Variants in PPP1R18 observed in about 807,000 individuals in gnomAD.
PPP1R18 encodes the protein protein phosphatase 1 regulatory subunit 18.
In PPP1R18, 31 loss-of-function variants were observed where a neutral mutation model predicts 54.8. The ratio of observed to expected loss-of-function variants is 0.57; its 90% confidence interval spans 0.43 to 0.76. The LOEUF (loss-of-function observed/expected upper bound fraction) is 0.76. PPP1R18 is among the 30% of genes least tolerant of loss of function. The pLI, the probability that PPP1R18 is intolerant of heterozygous loss-of-function variation, is 0.00. For missense variants in PPP1R18, 685 were observed against 776.1 expected (o/e 0.88, Z 1.39); for synonymous variants, 310 against 320.2 (o/e 0.97, Z 0.34).
chr6:30,688,247 C>T (rs1043257164), upstream of PPP1R18: 5 of 209,608 alleles, frequency 2.4e-5, no homozygotes, highest in Admixed American at 1.6e-4. The surrounding 1 kb of genome is among the most constrained non-coding windows in gnomAD (Gnocchi z 5.9). Flanking sequence ...CAGCTATGAC[C>T]GTTGAACTTG....
At chr6:30,680,117 G>A (rs1013579894) in intron 1 of PPP1R18, among the ~76,000 whole-genome samples, 3 of 152,144 alleles carry the variant, frequency 2.0e-5, no homozygotes, top group African/African-American at 4.8e-5. Flanking sequence ...GATGACAAGG[G>A]CAGAAAGGAA....
chr6:30,677,738 T>C (rs1310683916), intron 2 of PPP1R18, among the ~76,000 whole-genome samples: 2 of 151,916 alleles, frequency 1.3e-5, no homozygotes, highest in African/African-American at 4.8e-5. Context: ...TCCCAGCTAC[T>C]AGAGAGGCTG....
chr6:30,680,631 C>G (rs1770491658), intron 1 of PPP1R18, among the ~76,000 whole-genome samples: 1 of 151,226 alleles, frequency 6.6e-6, no homozygotes, highest in Non-Finnish European at 1.5e-5. Flanking sequence ...GAGTTCGAGA[C>G]CAGCCTGGGC....
upstream of PPP1R18, chr6:30,688,227 C>A (rs1406541926): frequency 5.3e-6 from 1 of 189,020 alleles, no homozygotes; most frequent in East Asian, 1.5e-4. The surrounding 1 kb of genome is among the most constrained non-coding windows in gnomAD (Gnocchi z 5.9). Context: ...AAGGTTGGGG[C>A]CTGGAGGGAC....
chr6:30,685,196 C>G lies in PPP1R18; in HGVS notation c.823G>C (p.Glu275Gln), dbSNP rs759566347. ...GGCCACTCTTCTTTTCTCCCACATT[C>G]TTCCGAGTAGTCTTGTCTTTCTTCT... is the stretch of plus-strand genomic sequence containing the variant. Reference protein sequence around the residue: ...SGEERQDYSEECGRKEEWPVP... With the variant: ...SGEERQDYSEQCGRKEEWPVP... The change falls in exon 1 of 3, where the codon GAA becomes CAA. Residue 275 changes from glutamate to glutamine, a missense_variant. Glu to Gln is a conservative substitution (Grantham distance 29). Coordinates refer to ENST00000274853, the MANE Select transcript of PPP1R18 (RefSeq NM_133471.4). This position sits in a 1 kb window ranked among gnomAD's most constrained non-coding sequence, Gnocchi z 5.0. 6.2e-7 allele frequency: 1 copy of G among 1,613,096 alleles called. No individual in the cohort carries two copies. The highest frequency in any genetic ancestry group is 1.1e-5 in the South Asian group (1 of 91,082).
rs41273009 is a variant in PPP1R18, at chr6:30,685,344, T to C, written c.675A>G (p.Pro225=). The part of the protein sequence containing the change: ...RRKEVESRLS[P]GESAYQKLGL... Reference sequence around the variant, plus strand: ...CCAACTTCTGGTAGGCAGATTCCCCTGGGCTCAGTCTACTTTCCACCTCTT... The same window carrying C: ...CCAACTTCTGGTAGGCAGATTCCCCCGGGCTCAGTCTACTTTCCACCTCTT... Residue 225 remains proline, a synonymous_variant, in exon 1 of 3, where the codon CCA becomes CCG. Coordinates refer to ENST00000274853, the MANE Select transcript of PPP1R18 (RefSeq NM_133471.4). The surrounding 1 kb of genome is among the most constrained non-coding windows in gnomAD (Gnocchi z 5.0). 16 of 1,613,096 alleles carry C rather than the reference T, an allele frequency of 9.9e-6. No homozygotes were observed. The highest frequency in any genetic ancestry group is 2.7e-5 in the African/African-American group (2 of 75,052).
rs965938757 is a variant in PPP1R18, at chr6:30,686,321, A to T, written c.-303T>A. The T allele has an allele frequency of 2.2e-6, 1 of 452,974 alleles. No individual in the cohort carries two copies. The highest frequency in any genetic ancestry group is 2.0e-5 in the African/African-American group (1 of 49,630). 28.1% of individuals were successfully genotyped at this position (452,974 alleles called of 1,614,324 possible). On this transcript the variant is annotated 5_prime_UTR_variant, in exon 1 of 3. Coordinates refer to ENST00000274853, the MANE Select transcript of PPP1R18 (RefSeq NM_133471.4). The stretch of plus-strand genomic sequence containing the variant: ...GAGGGCAGGAGCCAGATGTGGCAGC[A>T]CAGGGTTAATGCGTATTAAAGACCG...
upstream of PPP1R18, chr6:30,688,311 CT>C (rs1302857849): frequency 3.2e-6 from 1 of 309,334 alleles, no homozygotes; most frequent in African/African-American, 2.1e-5. The surrounding 1 kb of genome is among the most constrained non-coding windows in gnomAD (Gnocchi z 5.9). Context: ...AAGGGGACCC[CT>C]GAGGCGCAGA....
rs568205183 is a variant in PPP1R18 at position 30,684,718 on chromosome 6, G to T, written c.1301C>A (p.Pro434Gln). 11 of 1,500,490 alleles carry T rather than the reference G, an allele frequency of 7.3e-6. No individual in the cohort carries two copies. The highest frequency in any genetic ancestry group is 1.3e-5 in the South Asian group (1 of 75,930). The allele number at this position is 1,500,490 out of a possible 1,614,324, so 92.9% of individuals were successfully genotyped here. The change falls in exon 1 of 3, where the codon CCA becomes CAA. Residue 434 changes from proline (P) to glutamine (Q), a missense_variant. Transcript: ENST00000274853. This position sits in a 1 kb window ranked among gnomAD's most constrained non-coding sequence, Gnocchi z 6.0. The part of the protein sequence containing the change: ...QPPPPAPLSP[P>Q]PPAPTAPQPP... ...TTGGGGGGCAGTTGGGGCTGGGGGT[G>T]GGGGAGACAGAGGGGCTGGTGGTGG...
rs1770656921 is a variant in PPP1R18, at chr6:30,683,188, G to A, written c.1611+1220C>T. On this transcript the variant is annotated intron_variant, in intron 1 of 2. Coordinates refer to ENST00000274853, the MANE Select transcript of PPP1R18 (RefSeq NM_133471.4). This position sits in a 1 kb window ranked among gnomAD's most constrained non-coding sequence, Gnocchi z 5.1. ...AGGACACAAAAAAATCAAATCTGAG[G>A]ATGTTAACACATGGGATGAGAATGA... 6.6e-6 allele frequency among the ~76,000 whole-genome samples: 1 copy of A among 152,220 alleles called. No homozygotes were observed. The highest frequency in any genetic ancestry group is 2.1e-4 in the South Asian group (1 of 4,832).
chr6:30,679,465 CGGGGGCGGG>C, intron 1 of PPP1R18, 76 bp from the exon 2 acceptor site: 1 of 37,004 alleles, frequency 2.7e-5, no homozygotes, highest in Non-Finnish European at 5.0e-5. Context: ...GGAGAGAAAG[CGGGGGCGGG>C]GGGGGCGGAG....
chr6:30,682,132 C>T (rs1292366635), intron 1 of PPP1R18, among the ~76,000 whole-genome samples: 4 of 152,138 alleles, frequency 2.6e-5, no homozygotes, highest in African/African-American at 7.2e-5. Flanking sequence ...TATTTGCTCT[C>T]GGTCTATGTT....
chr6:30,685,511 G>A lies in PPP1R18; in HGVS notation c.508C>T (p.Arg170Trp), dbSNP rs535651029. ...TCTCCTGGGCTTTGCCTCCAGTCCC[G>A]AGCCTCCAGAGGCCTCAGGCTCAAC... is the stretch of plus-strand genomic sequence containing the variant. ...QELSLRPLEA[R>W]DWRQSPGEVG... Residue 170 changes from arginine (R) to tryptophan (W), a missense_variant, in exon 1 of 3, where the codon CGG becomes TGG. Physicochemically the swap from Arg to Trp is moderately radical, Grantham distance 101 (BLOSUM62 -3). Coordinates refer to ENST00000274853, the MANE Select transcript of PPP1R18 (RefSeq NM_133471.4). The surrounding 1 kb of genome is among the most constrained non-coding windows in gnomAD (Gnocchi z 5.0). 1.3e-5 allele frequency: 21 copies of A among 1,612,830 alleles called. No individual in the cohort carries two copies. The Admixed American group carries it at 1.3e-4, about 10-fold the overall frequency.
intron 1 of PPP1R18, among the ~76,000 whole-genome samples, chr6:30,681,704 C>T (rs1363985251): frequency 6.6e-6 from 1 of 151,814 alleles, no homozygotes; most frequent in Non-Finnish European, 1.5e-5. Context: ...GTGGAGGTTG[C>T]AGTGAGCCGA....
rs1770849146 is a variant in PPP1R18 at position 30,685,457 on chromosome 6, C to T, written c.562G>A (p.Glu188Lys). ...GGACTCAGCCTCCATTTCCATGCCT[C>T]TGACAGTCGGGAGCTCCTGTCTCCC... ...EVGDRSSRLS[E>K]AWKWRLSPGE... is the part of the protein sequence containing the mutation. Residue 188 changes from glutamate to lysine, a missense_variant, in exon 1 of 3, where the codon GAG (glutamate) becomes AAG (lysine). Transcript: ENST00000274853. The surrounding 1 kb of genome is among the most constrained non-coding windows in gnomAD (Gnocchi z 5.0). 1 of 1,613,054 alleles carries T rather than the reference C, an allele frequency of 6.2e-7. No individual in the cohort carries two copies. The highest frequency in any genetic ancestry group is 8.5e-7 in the Non-Finnish European group (1 of 1,180,032).
In PPP1R18 at chr6:30,684,260, T is replaced by A. The variant is rs57648283; in HGVS notation, c.1611+148A>T. On this transcript the variant is annotated intron_variant, in intron 1 of 2. Transcript: ENST00000274853. The surrounding 1 kb of genome is among the most constrained non-coding windows in gnomAD (Gnocchi z 6.0). ...GAGGGCTCTGAGAAGGAAGGGTGTA[T>A]GTGCAGAGCGAGGAAGGGTGGTGGC... 4.0e-6 allele frequency: 3 copies of A among 743,772 alleles called. No individual in the cohort carries two copies. The highest frequency in any genetic ancestry group is 6.1e-6 in the Non-Finnish European group (3 of 489,468). The allele number at this position is 743,772 out of a possible 1,614,324, so 46.1% of individuals were successfully genotyped here.
At chr6:30,681,581 T>C (rs1408256787) in intron 1 of PPP1R18, among the ~76,000 whole-genome samples, 1 of 151,978 alleles carries the variant, frequency 6.6e-6, no homozygotes, top group African/African-American at 2.4e-5. Context: ...CTGGCTAACA[T>C]GGTGAAACCC....
rs1010772077 is a variant in PPP1R18 at position 30,686,207 on chromosome 6, G to A, written c.-189C>T. 1.6e-5 allele frequency: 9 copies of A among 571,614 alleles called. No individual in the cohort carries two copies. Among genetic ancestry groups the A allele is most frequent in the East Asian group, 9.1e-5 (3 of 33,146 alleles). The allele number at this position is 571,614 out of a possible 1,614,324, so 35.4% of individuals were successfully genotyped here. Reference sequence around the variant, plus strand: ...AGGGAAAGACGGAAGGCAGAGAACTGGGGAAATGGAAAAAGTGAAGAGAAG... The same window carrying A: ...AGGGAAAGACGGAAGGCAGAGAACTAGGGAAATGGAAAAAGTGAAGAGAAG... On this transcript the variant is annotated 5_prime_UTR_variant, in exon 1 of 3. Coordinates refer to ENST00000274853, the MANE Select transcript of PPP1R18 (RefSeq NM_133471.4).
In PPP1R18 at chr6:30,684,743, G is replaced by C; in HGVS notation, c.1276C>G (p.Pro426Ala). ...GGGGGAGACAGAGGGGCTGGTGGTG[G>C]GGGCTGGAGCTCCACTGCTTCCTCT... ...QEEEAVELQP[P>A]PPAPLSPPPP... The change falls in exon 1 of 3, where the codon CCA (proline) becomes GCA (alanine). Residue 426 changes from proline to alanine, a missense_variant. Pro to Ala is a conservative substitution (Grantham distance 27, BLOSUM62 -1). Coordinates refer to ENST00000274853, the MANE Select transcript of PPP1R18 (RefSeq NM_133471.4). This position sits in a 1 kb window ranked among gnomAD's most constrained non-coding sequence, Gnocchi z 6.0. The C allele has an allele frequency of 6.4e-7, 1 of 1,561,748 alleles. No homozygotes were observed. Among genetic ancestry groups the C allele is most frequent in the Non-Finnish European group, 8.7e-7 (1 of 1,155,220 alleles).
Sources: gnomAD v4.1 joint callset for allele counts (sites outside exome capture counted in the v4.1 genomes callset) on GRCh38, gnomAD v4.1.1 for gene constraint, Gnocchi (gnomAD v3.1) non-coding constraint, MANE v1.5 for transcripts, NCBI Gene and HGNC (gene_info 2026-07-23, HGNC 2026-07-21) for gene names.